The following ERC1 variants were observed in gnomAD, a reference collection of about 807,000 sequenced individuals.
ERC1 encodes RAB6 interacting protein 2.
A neutral mutation model predicts 132.0 loss-of-function variants in ERC1; 56 were observed. The observed-to-expected ratio is 0.42, with a 90% CI of 0.34 to 0.53. The LOEUF is 0.53. Among genes scored for constraint, ERC1 ranks in the 20% least tolerant of loss-of-function variants. The pLI is 0.03. For missense variants in ERC1, 1,202 were observed against 1,349.9 expected (o/e 0.89, Z 1.72); for synonymous variants, 478 against 476.1 (o/e 1.00, Z -0.05).
At chr12:1,126,541 A>C (rs1231832995) in intron 7 of ERC1, among the ~76,000 whole-genome samples, 1 of 152,224 alleles carries the variant, frequency 6.6e-6, no homozygotes, top group Non-Finnish European at 1.5e-5. Flanking sequence ...AATGTTTAGT[A>C]GGAATATATT....
chr12:1,000,054 C>G (rs950692591), intron 1 of ERC1, among the ~76,000 whole-genome samples: 1 of 152,144 alleles, frequency 6.6e-6, no homozygotes, highest in Admixed American at 6.5e-5. Context: ...AAACTAAACA[C>G]CTGTATTCTT....
chr12:1,255,632 T>G (rs1447052867), intron 13 of ERC1, among the ~76,000 whole-genome samples: 2 of 125,162 alleles, frequency 1.6e-5, no homozygotes, highest in African/African-American at 6.5e-5. Context: ...TTTTTTTTTT[T>G]TTTTTTTTTT....
At chr12:1,394,653 T>C (rs745481158) in intron 16 of ERC1, among the ~76,000 whole-genome samples, 4 of 152,122 alleles carry the variant, frequency 2.6e-5, no homozygotes. Context: ...TGTGCGATAC[T>C]TCCCCCCTCA....
chr12:1,393,606 ACGTG>A (rs1327782603), intron 16 of ERC1, among the ~76,000 whole-genome samples: 1 of 73,572 alleles, frequency 1.4e-5, no homozygotes, highest in African/African-American at 6.5e-5. Context: ...GAGAGAACAC[ACGTG>A]TGTGTGTGTG....
chr12:1,200,805 G>A (rs571678398), intron 12 of ERC1, among the ~76,000 whole-genome samples: 172 of 152,116 alleles, frequency 1.1e-3, no homozygotes, highest in African/African-American at 4.0e-3. Flanking sequence ...TGATCCGCCC[G>A]CCTCGGCCTC....
chr12:1,115,679 T>G, intron 6 of ERC1, 187 bp from the exon 7 acceptor site: 1 of 444,918 alleles, frequency 2.2e-6, no homozygotes, highest in Non-Finnish European at 4.0e-6. Context: ...TGAATAAGTT[T>G]AGTGGTTTTT....
chr12:1,272,643 T>G (rs1456518790), intron 14 of ERC1, among the ~76,000 whole-genome samples: 3 of 152,128 alleles, frequency 2.0e-5, no homozygotes, highest in Non-Finnish European at 2.9e-5. Flanking sequence ...ACATCCATGG[T>G]CTTCTCATAA....
intron 11 of ERC1, 109 bp from the exon 12 acceptor site, chr12:1,189,750 A>C: frequency 1.3e-6 from 1 of 788,440 alleles, no homozygotes; most frequent in Non-Finnish European, 1.9e-6. Context: ...TAACTGGTAG[A>C]TATTTGATAA....
intron 12 of ERC1, among the ~76,000 whole-genome samples, chr12:1,213,432 C>T (rs1958062054): frequency 6.6e-6 from 1 of 151,934 alleles, no homozygotes; most frequent in Non-Finnish European, 1.5e-5. Context: ...TCGAAACTTG[C>T]TTTCAGAGGA....
At chr12:1,349,241 A>C (rs2084769711) in intron 15 of ERC1, among the ~76,000 whole-genome samples, 1 of 152,236 alleles carries the variant, frequency 6.6e-6, no homozygotes, top group Admixed American at 6.5e-5. Context: ...CTACAAGAAG[A>C]AGCATAAAAC....
intron 18 of ERC1, among the ~76,000 whole-genome samples, chr12:1,451,135 T>A (rs1429952033): frequency 6.6e-6 from 1 of 152,218 alleles, no homozygotes; most frequent in African/African-American, 2.4e-5. Context: ...GGTAATAGTG[T>A]CTTTCGATGC....
chr12:1,436,819 G>A (rs1384473724), intron 17 of ERC1, among the ~76,000 whole-genome samples: 1 of 152,194 alleles, frequency 6.6e-6, no homozygotes, highest in Non-Finnish European at 1.5e-5. Flanking sequence ...TCCAGCGTCA[G>A]TCCTTGTAGG....
At chr12:1,376,676 C>T (rs928497272) in intron 16 of ERC1, among the ~76,000 whole-genome samples, 1 of 152,206 alleles carries the variant, frequency 6.6e-6, no homozygotes, top group Admixed American at 6.5e-5. Context: ...TCTCTTCTCA[C>T]TGTCACCATC....
chr12:1,375,188 C>T (rs764868277), intron 16 of ERC1, among the ~76,000 whole-genome samples: 37 of 152,158 alleles, frequency 2.4e-4, no homozygotes, highest in Non-Finnish European at 3.7e-4. Context: ...CTCACAGATC[C>T]ACATGGCTGG....
chr12:1,347,731 C>G (rs898245591), intron 15 of ERC1, among the ~76,000 whole-genome samples: 1 of 152,224 alleles, frequency 6.6e-6, no homozygotes, highest in Non-Finnish European at 1.5e-5. Context: ...AGCCTGTAAT[C>G]CCAGCACTTG....
intron 1 of ERC1, among the ~76,000 whole-genome samples, chr12:1,008,323 A>T (rs1592659476): frequency 6.6e-6 from 1 of 152,252 alleles, no homozygotes; most frequent in African/African-American, 2.4e-5. Flanking sequence ...AAAAATTTTT[A>T]GTAGCCACAT....
intron 12 of ERC1, among the ~76,000 whole-genome samples, chr12:1,226,696 C>T (rs982446902): frequency 2.0e-5 from 3 of 152,022 alleles, no homozygotes; most frequent in East Asian, 1.9e-4. Context: ...GTTCTTGTTT[C>T]GAAACAGTCT....
chr12:1,263,228 G>C, intron 14 of ERC1, 63 bp downstream of exon 14: 1 of 1,537,310 alleles, frequency 6.5e-7, no homozygotes. Flanking sequence ...CACACAACCA[G>C]TATAGTTTAG....
chr12:1,477,668 TC>T (rs1196144882), intron 18 of ERC1, among the ~76,000 whole-genome samples: 1 of 152,150 alleles, frequency 6.6e-6, no homozygotes, highest in Non-Finnish European at 1.5e-5. Flanking sequence ...AGTAAACAAA[TC>T]CTATGTATAT....
Sources: gnomAD v4.1 joint callset for allele counts (sites outside exome capture counted in the v4.1 genomes callset) on GRCh38, gnomAD v4.1.1 for gene constraint, MANE v1.5 for transcripts, NCBI Gene and HGNC (gene_info 2026-07-23, HGNC 2026-07-21) for gene names.